Variants in FMN1 observed in about 807,000 individuals in gnomAD.
FMN1 encodes the protein formin-1.
A neutral mutation model predicts 132.4 loss-of-function variants in FMN1; 110 were observed. The observed-to-expected ratio is 0.83, with a 90% CI of 0.71 to 0.97. The LOEUF (loss-of-function observed/expected upper bound fraction) is 0.97. Among genes scored for constraint, FMN1 ranks in the 50% least tolerant of loss-of-function variants. The probability of loss-of-function intolerance (pLI) is 0.00; values close to 1 mark genes in which losing one functional copy is unlikely to be tolerated. For missense variants in FMN1, 1,792 were observed against 1,705.3 expected (o/e 1.05, Z -0.90); for synonymous variants, 722 against 651.7 (o/e 1.11, Z -1.64).
At chr15:32,963,164 TA>T in intron 9 of FMN1, among the ~76,000 whole-genome samples, 1 of 150,656 alleles carries the variant, frequency 6.6e-6, no homozygotes, top group African/African-American at 2.5e-5. Context: ...TATGCAGCCA[TA>T]AAAAATGATG....
intron 17 of FMN1, among the ~76,000 whole-genome samples, chr15:32,809,137 C>T (rs928436306): frequency 1.6e-4 from 24 of 152,058 alleles, no homozygotes; most frequent in African/African-American, 5.6e-4. Flanking sequence ...ATTACTCTCA[C>T]CTGTTTTTTC....
chr15:32,807,366 A>T, intron 17 of FMN1, among the ~76,000 whole-genome samples: 1 of 152,224 alleles, frequency 6.6e-6, no homozygotes, highest in Non-Finnish European at 1.5e-5. Context: ...ATTTCTGTGA[A>T]TTAGTCTGGT....
intron 17 of FMN1, among the ~76,000 whole-genome samples, chr15:32,829,988 G>A (rs1162217079): frequency 6.6e-6 from 1 of 152,046 alleles, no homozygotes; most frequent in Non-Finnish European, 1.5e-5. Context: ...GGTTGAGAAA[G>A]CAAAATAACT....
chr15:33,000,781 T>C (rs1451893973), intron 7 of FMN1, among the ~76,000 whole-genome samples: 1 of 152,244 alleles, frequency 6.6e-6, no homozygotes, highest in African/African-American at 2.4e-5. Context: ...GCATTCTCTT[T>C]ATAGTTCTTC....
At chr15:32,866,202 A>G (rs2059388927) in intron 16 of FMN1, among the ~76,000 whole-genome samples, 1 of 150,844 alleles carries the variant, frequency 6.6e-6, no homozygotes, top group African/African-American at 2.4e-5. Flanking sequence ...CGTTGTGCAC[A>G]TGTACCCTAG....
chr15:32,935,927 T>G (rs1346840913), intron 9 of FMN1, among the ~76,000 whole-genome samples: 3 of 151,976 alleles, frequency 2.0e-5, no homozygotes, highest in African/African-American at 7.3e-5. Context: ...GCACCTAGCC[T>G]CCTCTTCGTT....
intron 19 of FMN1, among the ~76,000 whole-genome samples, chr15:32,780,890 A>T (rs2056641521): frequency 6.6e-6 from 1 of 152,186 alleles, no homozygotes; most frequent in African/African-American, 2.4e-5. Context: ...GAACCCATAC[A>T]TACAGACATC....
At chr15:33,029,877 G>A (rs540188798) in intron 6 of FMN1, among the ~76,000 whole-genome samples, 1 of 152,174 alleles carries the variant, frequency 6.6e-6, no homozygotes, top group African/African-American at 2.4e-5. Flanking sequence ...CTTTTCAAAG[G>A]CCAGGTGCGG....
At chr15:32,806,142 C>G (rs1366069695) in intron 17 of FMN1, among the ~76,000 whole-genome samples, 3 of 152,014 alleles carry the variant, frequency 2.0e-5, no homozygotes, top group Admixed American at 2.0e-4. Context: ...GTAACATAAG[C>G]CTTCAGATTC....
At chr15:33,132,228 T>C (rs1012525504) in intron 4 of FMN1, among the ~76,000 whole-genome samples, 13 of 152,138 alleles carry the variant, frequency 8.5e-5, no homozygotes, top group African/African-American at 2.9e-4. Flanking sequence ...ATTCTAATAA[T>C]ACCAAATATA....
intron 16 of FMN1, among the ~76,000 whole-genome samples, chr15:32,874,326 T>G (rs60003861): frequency 0.033 from 4,954 of 152,096 alleles, 265 homozygotes; most frequent in African/African-American, 0.11. Context: ...CGGCCTATAT[T>G]AGCTATATAT....
chr15:32,921,752 C>A (rs2060830684), intron 10 of FMN1, among the ~76,000 whole-genome samples: 1 of 151,156 alleles, frequency 6.6e-6, no homozygotes, highest in Non-Finnish European at 1.5e-5. Context: ...TCTCGGCAAC[C>A]TCCACCTCCT....
chr15:32,816,749 A>G (rs1160487166), intron 17 of FMN1, among the ~76,000 whole-genome samples: 1 of 152,248 alleles, frequency 6.6e-6, no homozygotes, highest in African/African-American at 2.4e-5. Flanking sequence ...AAGTCGTAAC[A>G]GAAAAACAAC....
At chr15:32,961,220 G>C (rs2030500677) in intron 9 of FMN1, among the ~76,000 whole-genome samples, 1 of 149,470 alleles carries the variant, frequency 6.7e-6, no homozygotes, top group South Asian at 2.1e-4. Flanking sequence ...TGCAACCTCT[G>C]CCTCCTGGGT....
intron 6 of FMN1, among the ~76,000 whole-genome samples, chr15:33,030,085 G>GA (rs550393465): frequency 2.2e-4 from 34 of 152,340 alleles, no homozygotes; most frequent in African/African-American, 7.5e-4. Flanking sequence ...GTGAACCCGG[G>GA]AGGCAAAGCT....
intron 16 of FMN1, 33 bp downstream of exon 16, chr15:32,888,139 C>G: frequency 6.4e-7 from 1 of 1,557,418 alleles, no homozygotes; most frequent in South Asian, 1.2e-5. Flanking sequence ...GTAATCTTAG[C>G]TATTATCATA....
intron 9 of FMN1, among the ~76,000 whole-genome samples, chr15:32,946,075 A>G (rs1195070441): frequency 2.0e-5 from 3 of 152,184 alleles, no homozygotes; most frequent in Admixed American, 1.3e-4. Context: ...ATTCCACGAA[A>G]TGTTGGTAAA....
intron 6 of FMN1, among the ~76,000 whole-genome samples, chr15:33,041,608 A>G (rs2036443715): frequency 6.6e-6 from 1 of 152,174 alleles, no homozygotes; most frequent in Non-Finnish European, 1.5e-5. Flanking sequence ...GCTAATAAGC[A>G]AATGAAAAGA....
At chr15:32,858,949 G>A (rs772127893) in intron 16 of FMN1, among the ~76,000 whole-genome samples, 15 of 152,136 alleles carry the variant, frequency 9.9e-5, no homozygotes, top group Admixed American at 2.0e-4. Flanking sequence ...GACACTTTGC[G>A]CTAGAGTAGT....
Sources: allele counts gnomAD v4.1 joint callset (sites outside exome capture counted in the v4.1 genomes callset), GRCh38; gene constraint gnomAD v4.1.1; transcripts MANE v1.5; gene names NCBI Gene and HGNC (gene_info 2026-07-23, HGNC 2026-07-21).